Variants in PTPN11 observed in about 807,000 individuals in gnomAD.
PTPN11 encodes protein tyrosine phosphatase non-receptor type 11, also known as tyrosine-protein phosphatase non-receptor type 11.
A neutral mutation model predicts 78.8 loss-of-function variants in PTPN11; 6 were observed. That is an observed-to-expected ratio of 0.08 (90% CI 0.04 to 0.15). The LOEUF (loss-of-function observed/expected upper bound fraction) is 0.15. PTPN11 is among the 10% of genes least tolerant of loss of function. The pLI is 1.00. For missense variants in PTPN11, 386 were observed against 744.8 expected, an observed-to-expected ratio of 0.52 and a Z score of 5.61; for synonymous variants, 221 against 263.5, an observed-to-expected ratio of 0.84 and a Z score of 1.56.
chr12:112,488,075 C>T (rs1226602070), intron 11 of PTPN11, among the ~76,000 whole-genome samples: 7 of 152,064 alleles, frequency 4.6e-5, no homozygotes, highest in African/African-American at 1.4e-4. Flanking sequence ...AGAGCCACTG[C>T]GCCCGGCCCT....
At chr12:112,477,624 T>C (rs1426097407) in intron 7 of PTPN11, 27 bp from the exon 8 acceptor site, 11 of 1,569,544 alleles carry the variant, frequency 7.0e-6, no homozygotes, top group African/African-American at 2.7e-5. Context: ...CCAGGACTTA[T>C]GTGACCGTGG....
At chr12:112,497,233 A>G (rs973451204) in intron 13 of PTPN11, among the ~76,000 whole-genome samples, 1 of 152,086 alleles carries the variant, frequency 6.6e-6, no homozygotes, top group Non-Finnish European at 1.5e-5. Flanking sequence ...ATGGGATTGC[A>G]CAGGCTGAAT....
intron 6 of PTPN11, among the ~76,000 whole-genome samples, chr12:112,471,898 G>T (rs768503320): frequency 2.0e-5 from 3 of 152,082 alleles, no homozygotes; most frequent in Non-Finnish European, 4.4e-5. Context: ...GATTACAGGG[G>T]TGTGCCATCA....
intron 15 of PTPN11, 150 bp from the exon 16 acceptor site, chr12:112,505,675 A>AC (rs2038926011): frequency 6.6e-6 from 1 of 151,686 alleles, no homozygotes; most frequent in Non-Finnish European, 1.5e-5. Context: ...AAAAAAAAAA[A>AC]AAAAAACTCA....
At chr12:112,429,954 G>A (rs1349848348) in intron 1 of PTPN11, among the ~76,000 whole-genome samples, 1 of 152,180 alleles carries the variant, frequency 6.6e-6, no homozygotes, top group Non-Finnish European at 1.5e-5. Flanking sequence ...CAGGCATGTG[G>A]CAAACATTCA....
chr12:112,448,636 T>C (rs2038029157), intron 2 of PTPN11, among the ~76,000 whole-genome samples: 1 of 152,214 alleles, frequency 6.6e-6, no homozygotes, highest in African/African-American at 2.4e-5. Context: ...GTTACCTAAA[T>C]CTTTTAGTGA....
chr12:112,423,618 G>A (rs1238772627), intron 1 of PTPN11, among the ~76,000 whole-genome samples: 3 of 151,608 alleles, frequency 2.0e-5, no homozygotes, highest in African/African-American at 7.3e-5. Context: ...AGAATATACT[G>A]TTTAGAATGT....
chr12:112,433,006 G>A (rs1217161783), intron 1 of PTPN11, among the ~76,000 whole-genome samples: 1 of 151,912 alleles, frequency 6.6e-6, no homozygotes, highest in African/African-American at 2.4e-5. Flanking sequence ...GACTGCAGGC[G>A]CAGGACACCA....
chr12:112,473,443 T>C (rs2038450527), intron 7 of PTPN11, among the ~76,000 whole-genome samples: 1 of 152,118 alleles, frequency 6.6e-6, no homozygotes, highest in Non-Finnish European at 1.5e-5. Context: ...CTCAGTTCCC[T>C]TAAGTGGGAA....
chr12:112,456,811 G>A (rs1449779206), intron 6 of PTPN11, among the ~76,000 whole-genome samples: 1 of 152,050 alleles, frequency 6.6e-6, no homozygotes. Flanking sequence ...GCCCAGGCTG[G>A]TCTTGAACTC....
chr12:112,464,400 A>C (rs2038295125), intron 6 of PTPN11, among the ~76,000 whole-genome samples: 1 of 151,482 alleles, frequency 6.6e-6, no homozygotes. Context: ...TTTTTTCCCT[A>C]CAGATTGCCT....
Position 112,504,626 on chromosome 12 carries a change from G to A in PTPN11, c.1713-69G>A. 2 of 1,157,336 alleles carry A rather than the reference G, an allele frequency of 1.7e-6. No homozygotes were observed. Among genetic ancestry groups the A allele is most frequent in the Non-Finnish European group, 2.6e-6 (2 of 783,370 alleles). 71.7% of individuals were successfully genotyped at this position (1,157,336 alleles called of 1,614,324 possible). A position where few individuals can be genotyped will look rare whatever the true frequency, so the allele number is the denominator to read the frequency against. ...CAAAGAATGTAGTATGTGTTTTATA[G>A]ATATCATGTAAGCTTAAACAGCGTG... is the stretch of plus-strand genomic sequence containing the variant. On this transcript the variant is annotated intron_variant, in intron 14 of 15. Transcript: ENST00000351677. This position sits in a 1 kb window ranked among gnomAD's most constrained non-coding sequence, Gnocchi z 4.7.
rs574440739 is a variant in PTPN11 at position 112,499,801 on chromosome 12, A to G, written c.1600-2343A>G. On this transcript the variant is annotated intron_variant, in intron 13 of 15. Coordinates refer to ENST00000351677, the MANE Select transcript of PTPN11 (RefSeq NM_002834.5). ...CCCCTCTCTACAAAAAATAAAAAAAATTTGGCTGAGTGTGGCATGTTCCTG... is the reference window on the plus strand; with the variant it reads ...CCCCTCTCTACAAAAAATAAAAAAAGTTTGGCTGAGTGTGGCATGTTCCTG... 2.0e-5 allele frequency among the ~76,000 whole-genome samples: 3 copies of G among 151,704 alleles called. No individual in the cohort carries two copies. In the South Asian group the frequency reaches 6.2e-4, roughly 32 times the overall value.
Position 112,442,872 on chromosome 12 carries a change from AT to A in PTPN11, c.15-3403del, listed in dbSNP as rs1566162791. ...TATATATATATATATATATATATAT[AT>A]ATATAAATTATATATACACTACACA... On this transcript the variant is annotated intron_variant, in intron 1 of 15. Transcript: ENST00000351677. Among the ~76,000 whole-genome samples the A allele has an allele frequency of 5.2e-4, 42 of 80,602 alleles. 1 individual carries two copies. The highest frequency in any genetic ancestry group is 1.8e-3 in the African/African-American group (30 of 16,464). 52.9% of individuals were successfully genotyped at this position (80,602 alleles called of 152,430 possible).
chr12:112,478,674 C>T (rs1010160710), intron 9 of PTPN11, among the ~76,000 whole-genome samples: 3 of 152,090 alleles, frequency 2.0e-5, no homozygotes, highest in African/African-American at 7.2e-5. Context: ...TCATCTATAG[C>T]TTTCCTTTTA....
chr12:112,492,307 A>G (rs1179447345), intron 13 of PTPN11, among the ~76,000 whole-genome samples: 1 of 152,012 alleles, frequency 6.6e-6, no homozygotes, highest in Non-Finnish European at 1.5e-5. Context: ...AAATTTGTCC[A>G]CCGTAAAGTT....
intron 2 of PTPN11, among the ~76,000 whole-genome samples, chr12:112,448,877 CTTTTTA>C (rs911833906): frequency 1.3e-5 from 2 of 151,880 alleles, no homozygotes; most frequent in Non-Finnish European, 2.9e-5. Context: ...TTACATGTGT[CTTTTTA>C]TTTTTATTTT....
intron 6 of PTPN11, among the ~76,000 whole-genome samples, chr12:112,462,255 A>T (rs1260354073): frequency 6.6e-6 from 1 of 152,084 alleles, no homozygotes; most frequent in Admixed American, 6.6e-5. Flanking sequence ...AGCTATTGAG[A>T]GGCTGTGGCG....
At position 112,477,882 on chromosome 12, in the gene PTPN11, A is replaced by G. The variant is rs1398859175; in HGVS notation, c.959A>G (p.Asn320Ser). The G allele has an allele frequency of 6.2e-7, 1 of 1,614,068 alleles. No individual in the cohort carries two copies. The highest frequency in any genetic ancestry group is 8.5e-7 in the Non-Finnish European group (1 of 1,180,028). The change falls in exon 9 of 16, where the codon AAT becomes AGT. Residue 320 changes from asparagine (N) to serine (S), a missense_variant. Asn to Ser is a conservative substitution (Grantham distance 46). This residue lies in a region of PTPN11 where 279 missense variants were observed against 503.3 expected (regional missense o/e 0.55). Transcript: ENST00000351677. ...CCTGAATTTGAAACCAAGTGCAACA[A>G]TTCAAAGCCCAAAAAGAGTTACATT... The part of the protein sequence containing the change: ...IMPEFETKCN[N>S]SKPKKSYIAT...
Sources: gnomAD v4.1 joint callset for allele counts (sites outside exome capture counted in the v4.1 genomes callset) on GRCh38, gnomAD v4.1.1 for gene constraint, gnomAD v4.1.1 regional missense constraint, Gnocchi (gnomAD v3.1) non-coding constraint, MANE v1.5 for transcripts, NCBI Gene and HGNC (gene_info 2026-07-23, HGNC 2026-07-21) for gene names.